The following RNF130 variants were observed in gnomAD, a reference collection of about 807,000 sequenced individuals.
The protein encoded by RNF130 is E3 ubiquitin-protein ligase RNF130.
Under a neutral mutation model 44.6 loss-of-function variants are expected in RNF130, and 21 were observed. The ratio of observed to expected loss-of-function variants is 0.47; its 90% CI spans 0.33 to 0.68. The LOEUF (loss-of-function observed/expected upper bound fraction) is 0.68, where lower values mean the gene tolerates loss of function less well. Among genes scored for constraint, RNF130 ranks in the 30% least tolerant of loss-of-function variants. The pLI is 0.02. For synonymous variants in RNF130, 214 were observed against 210.4 expected, an observed-to-expected ratio of 1.02 and a Z score of -0.15; for missense variants, 479 against 560.6, an observed-to-expected ratio of 0.85 and a Z score of 1.47.
intron 5 of RNF130, among the ~76,000 whole-genome samples, chr5:179,971,526 C>A (rs764251766): frequency 3.9e-4 from 59 of 152,160 alleles, no homozygotes; most frequent in Non-Finnish European, 6.8e-4. Context: ...CCCGCCACCA[C>A]GCCCAGCCAA....
chr5:179,952,797 T>C (rs1028285496), downstream of RNF130, among the ~76,000 whole-genome samples: 2 of 152,178 alleles, frequency 1.3e-5, no homozygotes, highest in African/African-American at 4.8e-5. Context: ...AACTATTTCA[T>C]GATAAAAACG....
downstream of RNF130, among the ~76,000 whole-genome samples, chr5:179,954,156 A>T (rs1336361304): frequency 6.6e-6 from 1 of 152,240 alleles, no homozygotes; most frequent in Non-Finnish European, 1.5e-5. Flanking sequence ...AGAATGCAAA[A>T]TGGTGCAGTT....
At chr5:179,969,856 T>G (rs1431467398) in intron 6 of RNF130, among the ~76,000 whole-genome samples, 1 of 152,052 alleles carries the variant, frequency 6.6e-6, no homozygotes, top group Non-Finnish European at 1.5e-5. Flanking sequence ...CCAGGGGTGG[T>G]GACGGGCACC....
At chr5:179,930,903 G>A (rs1014088368) in intron 7 of RNF130, among the ~76,000 whole-genome samples, 14 of 151,846 alleles carry the variant, frequency 9.2e-5, no homozygotes, top group African/African-American at 2.2e-4. Context: ...GTAGCTGGGC[G>A]TGGTGATGCA....
intron 2 of RNF130, among the ~76,000 whole-genome samples, chr5:180,028,783 T>C (rs1044590997): frequency 4.6e-5 from 7 of 152,308 alleles, no homozygotes; most frequent in African/African-American, 1.7e-4. Flanking sequence ...GATTAACTAT[T>C]TTTTTGTACT....
At chr5:179,973,788 G>A (rs759731128) in intron 5 of RNF130, among the ~76,000 whole-genome samples, 28 of 152,234 alleles carry the variant, frequency 1.8e-4, no homozygotes, top group Non-Finnish European at 3.1e-4. Context: ...AAACAGGCCC[G>A]CCACACACAG....
chr5:179,980,376 G>C (rs553447229), intron 3 of RNF130, 176 bp from the exon 4 acceptor site: 40 of 574,224 alleles, frequency 7.0e-5, no homozygotes, highest in African/African-American at 4.5e-4. Flanking sequence ...TCAGCATTCT[G>C]GTTGAAAAGT....
rs571925423 is a variant in RNF130, at chr5:180,064,139, G to T, written c.247+7317C>A. On this transcript the variant is annotated intron_variant, in intron 1 of 8. Transcript: ENST00000521389. ...GTCCATGGATTTAAGCCTATTTATG[G>T]AATAAAATCAATTTAACAGTAGCTT... 3.2e-4 allele frequency among the ~76,000 whole-genome samples: 48 copies of T among 152,256 alleles called. 1 individual carries two copies. The highest frequency in any genetic ancestry group is 1.2e-3 in the African/African-American group (48 of 41,550).
exon 8 of RNF130, chr5:179,912,357 T>G (rs1049077277): frequency 2.0e-5 from 3 of 152,266 alleles, no homozygotes; most frequent in Non-Finnish European, 4.4e-5. Context: ...AAATCTCATT[T>G]CCTAGCTTGG....
chr5:179,979,639 T>A (rs937968014), intron 4 of RNF130, among the ~76,000 whole-genome samples: 1 of 151,930 alleles, frequency 6.6e-6, no homozygotes, highest in Non-Finnish European at 1.5e-5. Flanking sequence ...CAGTTAGAGG[T>A]CTCCGCCACA....
At chr5:180,062,428 C>T (rs1395193762) in intron 1 of RNF130, among the ~76,000 whole-genome samples, 1 of 152,118 alleles carries the variant, frequency 6.6e-6, no homozygotes, top group Non-Finnish European at 1.5e-5. Flanking sequence ...CTAATCACCA[C>T]CAAAGGCCCC....
chr5:180,029,085 T>C (rs986160685), intron 2 of RNF130, among the ~76,000 whole-genome samples: 1 of 152,208 alleles, frequency 6.6e-6, no homozygotes, highest in African/African-American at 2.4e-5. Context: ...GGTCTAAGAT[T>C]CAAATCCCAA....
At chr5:180,046,604 C>T (rs554237708) in intron 1 of RNF130, among the ~76,000 whole-genome samples, 7 of 152,258 alleles carry the variant, frequency 4.6e-5, no homozygotes, top group African/African-American at 1.7e-4. Flanking sequence ...AACAGGCGGC[C>T]GCACAGCACA....
At chr5:180,036,508 G>A (rs1442421148) in intron 2 of RNF130, among the ~76,000 whole-genome samples, 1 of 152,212 alleles carries the variant, frequency 6.6e-6, no homozygotes, top group African/African-American at 2.4e-5. Flanking sequence ...TTGGGAAGCA[G>A]CACCCTGCTA....
Position 179,923,197 on chromosome 5 carries a change from C to T in RNF130, c.1151-2771G>A, listed in dbSNP as rs2115043. On this transcript the variant is annotated intron_variant, in intron 7 of 7. Coordinates refer to the RNF130 transcript ENST00000522208. Reference sequence around the variant, plus strand: ...GTTCTCACACTTAGATGGTCCACTTCAAGTAAATCTTTGAAAATGGCAGAA... The same window carrying T: ...GTTCTCACACTTAGATGGTCCACTTTAAGTAAATCTTTGAAAATGGCAGAA... Among the ~76,000 whole-genome samples, 1,252 of 152,074 alleles carry T rather than the reference C, an allele frequency of 8.2e-3. 14 individuals are homozygous for T. Among genetic ancestry groups the T allele is most frequent in the African/African-American group, 0.029 (1,196 of 41,464 alleles).
chr5:179,983,564 G>A (rs1762889086), intron 3 of RNF130, among the ~76,000 whole-genome samples: 1 of 152,114 alleles, frequency 6.6e-6, no homozygotes, highest in Non-Finnish European at 1.5e-5. Flanking sequence ...CTGAAATTAG[G>A]TGGTGTTAAC....
chr5:179,921,527 G>A (rs1761630491), intron 7 of RNF130, among the ~76,000 whole-genome samples: 1 of 152,232 alleles, frequency 6.6e-6, no homozygotes, highest in African/African-American at 2.4e-5. Context: ...GCTGGGTGTG[G>A]TGGCTCATGC....
At chr5:180,066,224 G>A (rs1263069396) in intron 1 of RNF130, among the ~76,000 whole-genome samples, 1 of 152,158 alleles carries the variant, frequency 6.6e-6, no homozygotes, top group Admixed American at 6.5e-5. Context: ...CTATTCTCGT[G>A]ATAGTGAATA....
intron 8 of RNF130, chr5:179,956,540 A>G (rs960053327): frequency 1.3e-5 from 2 of 152,722 alleles, no homozygotes; most frequent in South Asian, 2.1e-4. Flanking sequence ...CCAGCTCTTT[A>G]TAAGAATCAA....
Sources: gnomAD v4.1 joint callset for allele counts (sites outside exome capture counted in the v4.1 genomes callset) on GRCh38, gnomAD v4.1.1 for gene constraint, MANE v1.5 for transcripts, NCBI Gene and HGNC (gene_info 2026-07-23, HGNC 2026-07-21) for gene names.